The following CCPG1 variants were observed in gnomAD, a reference collection of about 807,000 sequenced individuals.
CCPG1 encodes cell cycle progression 1.
In CCPG1, 46 loss-of-function variants were observed where a neutral mutation model predicts 81.3. The observed-to-expected ratio is 0.57, with a 90% CI of 0.45 to 0.72. The LOEUF is 0.72. CCPG1 is among the 30% of genes least tolerant of loss of function. The probability of loss-of-function intolerance (pLI) is 0.00; values close to 1 mark genes in which losing one functional copy is unlikely to be tolerated. For synonymous variants in CCPG1, 330 were observed against 305.2 expected, an observed-to-expected ratio of 1.08 and a Z score of -0.85; for missense variants, 902 against 937.6, an observed-to-expected ratio of 0.96 and a Z score of 0.50.
At chr15:55,394,191 T>C (rs2056975171) in intron 1 of CCPG1, among the ~76,000 whole-genome samples, 1 of 152,128 alleles carries the variant, frequency 6.6e-6, no homozygotes, top group Admixed American at 6.6e-5. Context: ...CTTGCTAGTT[T>C]GGTAGGCTGG....
At chr15:55,390,897 G>C (rs186369898) in intron 1 of CCPG1, among the ~76,000 whole-genome samples, 1 of 152,168 alleles carries the variant, frequency 6.6e-6, no homozygotes, top group East Asian at 1.9e-4. Context: ...GCTCACCTGA[G>C]GTCATCTAAT....
At chr15:55,381,835 G>A (rs1252459740) in intron 3 of CCPG1, among the ~76,000 whole-genome samples, 1 of 82,400 alleles carries the variant, frequency 1.2e-5, no homozygotes, top group African/African-American at 7.6e-5. Context: ...CATTTTACCA[G>A]ATTGGAACCA....
intron 2 of CCPG1, among the ~76,000 whole-genome samples, chr15:55,388,934 A>C (rs978471617): frequency 6.6e-6 from 1 of 151,596 alleles, no homozygotes; most frequent in Non-Finnish European, 1.5e-5. Context: ...TGGGCATGGT[A>C]GCAGGCACCT....
intron 3 of CCPG1, among the ~76,000 whole-genome samples, chr15:55,381,301 G>C (rs1162904716): frequency 6.6e-6 from 1 of 151,346 alleles, no homozygotes; most frequent in South Asian, 2.1e-4. Context: ...AAAAATAGCT[G>C]GGCATAGTGG....
In CCPG1 at chr15:55,378,340, G is replaced by C. The variant is rs201442257; in HGVS notation, c.212C>G (p.Thr71Ser). The stretch of plus-strand genomic sequence containing the variant: ...GGTTTCCTCCAAAGCTGGATAAGCA[G>C]TTTCTTCCATAAGCACTGTGCCATT... ...SQNGTVLMEE[T>S]AYPALEETSS... Residue 71 changes from threonine (T) to serine (S), a missense_variant, in exon 4 of 9, where the codon ACT becomes AGT. By Grantham distance (58) the Thr-to-Ser change is moderately conservative (BLOSUM62 1). Around this residue, in one of 3 missense-constraint regions of CCPG1, gnomAD observed 746 missense variants for 728.6 expected, o/e 1.02. Transcript: ENST00000442196. 1 of 1,611,838 alleles carries C rather than the reference G, an allele frequency of 6.2e-7. No homozygotes were observed. Among genetic ancestry groups the C allele is most frequent in the Non-Finnish European group, 8.5e-7 (1 of 1,178,778 alleles).
intron 6 of CCPG1, among the ~76,000 whole-genome samples, chr15:55,368,860 C>T (rs1436848701): frequency 2.0e-5 from 3 of 152,090 alleles, no homozygotes; most frequent in African/African-American, 7.2e-5. Flanking sequence ...GCCTATAATC[C>T]CAGCACTTTG....
In CCPG1 at chr15:55,359,663, C is replaced by T; in HGVS notation, c.2110G>A (p.Val704Ile). 6.2e-7 allele frequency: 1 copy of T among 1,613,324 alleles called. No individual in the cohort carries two copies. The highest frequency in any genetic ancestry group is 8.5e-7 in the Non-Finnish European group (1 of 1,179,818). The change falls in exon 8 of 9, where the codon GTT becomes ATT. Residue 704 changes from valine (V) to isoleucine (I), a missense_variant. Val to Ile is a conservative substitution (Grantham distance 29). This residue lies in a region of CCPG1 where 128 missense variants were observed against 161.2 expected (regional missense o/e 0.79). Coordinates refer to ENST00000442196, the MANE Select transcript of CCPG1 (RefSeq NM_001204450.2). The stretch of plus-strand genomic sequence containing the variant: ...TTCATGTTTCTAAGATAATCTTTAA[C>T]ATCATTAACAAAGTCAGTGAAGAGC... ...QKLFTDFVND[V>I]KDYLRNMKEY... is the part of the protein sequence containing the mutation.
At chr15:55,404,122 C>T (rs1217741260) in intron 1 of CCPG1, among the ~76,000 whole-genome samples, 1 of 151,960 alleles carries the variant, frequency 6.6e-6, no homozygotes, top group Admixed American at 6.6e-5. Context: ...ACAGAATATA[C>T]AAAATTATAA....
chr15:55,402,248 G>A (rs2057141997), intron 1 of CCPG1, among the ~76,000 whole-genome samples: 1 of 152,128 alleles, frequency 6.6e-6, no homozygotes, highest in African/African-American at 2.4e-5. Context: ...TTTAGAGACA[G>A]GATCTCGCTC....
Position 55,377,092 on chromosome 15 carries a change from G to A in CCPG1, c.311C>T (p.Ser104Phe). ...SIYIGTASDD[S>F]DIVTLEPPKL... ...AGGTGGCTCAAGGGTAACAATATCAGAATCATCACTGGCAGTTCCAATATA... is the reference window on the plus strand; with the variant it reads ...AGGTGGCTCAAGGGTAACAATATCAAAATCATCACTGGCAGTTCCAATATA... The change falls in exon 5 of 9, where the codon TCT (serine) becomes TTT (phenylalanine). Residue 104 changes from serine to phenylalanine, a missense_variant. By Grantham distance (155) the Ser-to-Phe change is radical. Around this residue, in one of 3 missense-constraint regions of CCPG1, gnomAD observed 746 missense variants for 728.6 expected, o/e 1.02. Transcript: ENST00000442196. 1.2e-6 allele frequency: 2 copies of A among 1,613,640 alleles called. No homozygotes were observed. Among genetic ancestry groups the A allele is most frequent in the Non-Finnish European group, 1.7e-6 (2 of 1,179,642 alleles).
Position 55,394,850 on chromosome 15 carries a change from A to G in CCPG1, c.-9-5417T>C, listed in dbSNP as rs140200704. ...CAGATCACTGCAACTGGACAATGAG[A>G]AGCCAGAGCCTGCATGATTGCTTAA... is the stretch of plus-strand genomic sequence containing the variant. On this transcript the variant is annotated intron_variant, in intron 1 of 8. Transcript: ENST00000442196. Among the ~76,000 whole-genome samples the G allele has an allele frequency of 9.0e-3, 1,368 of 151,740 alleles. 9 individuals carry two copies. The highest frequency in any genetic ancestry group is 0.013 in the Non-Finnish European group (871 of 67,978).
intron 3 of CCPG1, among the ~76,000 whole-genome samples, chr15:55,381,356 C>G (rs567467733): frequency 1.3e-5 from 2 of 150,546 alleles, no homozygotes; most frequent in Admixed American, 1.3e-4. Flanking sequence ...AGACTTGAAC[C>G]GGGGAGGCGG....
chr15:55,377,911 T>TACAA (rs60818005), intron 4 of CCPG1, among the ~76,000 whole-genome samples: 53,614 of 138,686 alleles, frequency 0.39, 12,699 homozygotes, highest in African/African-American at 0.69. Flanking sequence ...GTCAGATCAG[T>TACAA]ACAGACTAAA....
intron 1 of CCPG1, among the ~76,000 whole-genome samples, chr15:55,403,367 T>C (rs1032802294): frequency 1.3e-5 from 2 of 151,918 alleles, no homozygotes; most frequent in Admixed American, 6.6e-5. Context: ...AGTAAGATTT[T>C]GTAAGATTTT....
rs1329217580 is a variant in CCPG1 at position 55,359,114 on chromosome 15, T to C, written c.2234+425A>G. The C allele has an allele frequency of 4.4e-5, 43 of 983,274 alleles. 1 individual carries two copies. The highest frequency in any genetic ancestry group is 6.1e-5 in the Admixed American group (1 of 16,304). The allele number at this position is 983,274 out of a possible 1,614,324, so 60.9% of individuals were successfully genotyped here. On this transcript the variant is annotated intron_variant, in intron 8 of 8. Coordinates refer to ENST00000442196, the MANE Select transcript of CCPG1 (RefSeq NM_001204450.2). The stretch of plus-strand genomic sequence containing the variant: ...AAAATAGGTGGGACATTAGAATTAT[T>C]ATATATGAGCTCTTCTGACTTCAGA...
chr15:55,384,651 G>A (rs1236492743), intron 3 of CCPG1, among the ~76,000 whole-genome samples: 7 of 151,868 alleles, frequency 4.6e-5, no homozygotes, highest in South Asian at 4.1e-4. Context: ...GCGAAACTCC[G>A]CCAATTCAAT....
Position 55,376,939 on chromosome 15 carries a change from G to T in CCPG1, c.454+10C>A, listed in dbSNP as rs182205916. 7.5e-4 allele frequency: 1,204 copies of T among 1,600,182 alleles called. 21 individuals are homozygous for T. In the East Asian group the frequency reaches 0.022, roughly 29 times the overall value. ...ACATGTCTTTAAGTCTCTTATCAGT[G>T]TATTCTTACCAGTTTCTGGCTGACA... On this transcript the variant is annotated intron_variant, in intron 5 of 8. Coordinates refer to ENST00000442196, the MANE Select transcript of CCPG1 (RefSeq NM_001204450.2).
At chr15:55,362,342 A>T (rs1026545787) in intron 7 of CCPG1, among the ~76,000 whole-genome samples, 3 of 135,256 alleles carry the variant, frequency 2.2e-5, no homozygotes, top group Non-Finnish European at 5.0e-5. Context: ...AAAAAAAAGG[A>T]AAAAAAAATA....
At chr15:55,374,784 C>G (rs2056527699) in intron 5 of CCPG1, among the ~76,000 whole-genome samples, 1 of 152,264 alleles carries the variant, frequency 6.6e-6, no homozygotes, top group Admixed American at 6.5e-5. Flanking sequence ...GCCTGCGCTA[C>G]CACAGGCAGC....
Sources: gnomAD v4.1 joint callset for allele counts (sites outside exome capture counted in the v4.1 genomes callset) on GRCh38, gnomAD v4.1.1 for gene constraint, gnomAD v4.1.1 regional missense constraint, MANE v1.5 for transcripts, NCBI Gene and HGNC (gene_info 2026-07-23, HGNC 2026-07-21) for gene names.